The following GAS5 variants were observed in gnomAD, a reference collection of about 807,000 sequenced individuals.
GAS5 encodes the protein growth arrest specific 5 (non-protein coding).
At chr1:173,865,661 C>G in intron 5 of GAS5, 1 of 519,208 alleles carries the variant, frequency 1.9e-6, no homozygotes, top group Non-Finnish European at 3.8e-6. Flanking sequence ...CATTTCAGGT[C>G]AGACATTTGA....
At chr1:173,868,610 C>T (rs997644575), upstream of GAS5, 2 of 152,450 alleles carry the variant, frequency 1.3e-5, no homozygotes, top group Admixed American at 6.5e-5. Flanking sequence ...TCGCGGGGCC[C>T]CTCCCTCAGG....
At chr1:173,864,403 A>T (rs759114991) in intron 6 of GAS5, 1 of 519,120 alleles carries the variant, frequency 1.9e-6, no homozygotes. Context: ...TTTTACAGTG[A>T]TATCATTATA....
intron 4 of GAS5, chr1:173,865,903 T>TA (rs1654522275): frequency 1.9e-6 from 1 of 519,040 alleles, no homozygotes; most frequent in Non-Finnish European, 3.8e-6. Flanking sequence ...ACCTAAGAAA[T>TA]AAGAGTGGTC....
upstream of GAS5, chr1:173,867,458 A>G: frequency 2.8e-6 from 1 of 360,598 alleles, no homozygotes; most frequent in East Asian, 7.3e-5. Context: ...GTTGCCATTA[A>G]CCGATGTCGA....
chr1:173,867,089 TTTTTTTA>T, upstream of GAS5: 1 of 646,096 alleles, frequency 1.5e-6, no homozygotes, highest in Non-Finnish European at 2.8e-6. Flanking sequence ...CCACGGTTCT[TTTTTTTA>T]AAGAGTGTTC....
intron 3 of GAS5, chr1:173,866,421 TTC>T: frequency 1.7e-6 from 1 of 579,626 alleles, no homozygotes; most frequent in Non-Finnish European, 3.3e-6. Flanking sequence ...GAGAGCAAAA[TTC>T]TCATTTGAAA....
chr1:173,867,156 A>C, upstream of GAS5: 1 of 584,594 alleles, frequency 1.7e-6, no homozygotes, highest in Non-Finnish European at 3.0e-6. Context: ...GTAACATACC[A>C]TTCATTATCT....
At chr1:173,866,979 C>T in intron 1 of GAS5, 1 of 765,474 alleles carries the variant, frequency 1.3e-6, no homozygotes, top group Admixed American at 1.7e-5. Flanking sequence ...CCATACTTTC[C>T]CCAATTCTTA....
intron 7 of GAS5, chr1:173,864,014 G>C (rs745467684): frequency 2.8e-6 from 1 of 350,908 alleles, no homozygotes; most frequent in Non-Finnish European, 5.8e-6. Flanking sequence ...CTTGAGCCCA[G>C]AAGTTTGAGG....
chr1:173,866,514 T>C lies in GAS5; in HGVS notation n.131+14A>G, dbSNP rs1294320017. 4 of 693,764 alleles carry C rather than the reference T, an allele frequency of 5.8e-6. No individual in the cohort carries two copies. The East Asian group carries it at 1.1e-4, about 18-fold the overall frequency. The allele number at this position is 693,764 out of a possible 1,614,324, so 43.0% of individuals were successfully genotyped here. On this transcript the variant is annotated intron_variant and non_coding_transcript_variant, in intron 3 of 7. Coordinates refer to ENST00000651080, the Ensembl canonical transcript of GAS5. ...TCCCTTAAAAGTGAGAAGTACAAAA[T>C]AGAGGTGTCTCACCTGTGTGCCAAT...
rs746512954 is a variant in GAS5, at chr1:173,866,063, G to A, written n.161+114C>T. On this transcript the variant is annotated intron_variant and non_coding_transcript_variant, in intron 4 of 7. Coordinates refer to ENST00000651080, the Ensembl canonical transcript of GAS5. ...CAAACTTTCTTATTAATCATAACAA[G>A]ACAAGAATCCGCCATTTATTTAATG... 1.6e-4 allele frequency: 81 copies of A among 518,920 alleles called. 1 individual carries two copies. Among genetic ancestry groups the A allele is most frequent in the South Asian group, 1.1e-3 (77 of 71,584 alleles). 32.1% of individuals were successfully genotyped at this position (518,920 alleles called of 1,614,324 possible).
intron 6 of GAS5, chr1:173,865,148 GAT>G (rs773308789): frequency 2.7e-5 from 9 of 337,670 alleles, no homozygotes; most frequent in Non-Finnish European, 5.2e-5. Context: ...GCAGTGAACT[GAT>G]AGTGCCGCTG....
intron 5 of GAS5, chr1:173,865,739 T>A: frequency 1.9e-6 from 1 of 519,158 alleles, no homozygotes; most frequent in Non-Finnish European, 3.8e-6. Context: ...GTTCCAGACA[T>A]GCTCAAGGAA....
chr1:173,865,757 T>A (rs868375277), intron 5 of GAS5: 2 of 518,820 alleles, frequency 3.9e-6, no homozygotes, highest in Admixed American at 3.9e-5. Flanking sequence ...GAAAATACAG[T>A]CAGTATTCAT....
chr1:173,867,784 C>T (rs767600484), upstream of GAS5: 1 of 519,132 alleles, frequency 1.9e-6, no homozygotes, highest in Middle Eastern at 3.2e-4. Flanking sequence ...TCTACTCTAA[C>T]ATAGTCGCAG....
upstream of GAS5, chr1:173,867,904 GCAGA>G (rs1290608278): frequency 5.2e-6 from 2 of 385,038 alleles, no homozygotes; most frequent in Admixed American, 3.0e-5. Flanking sequence ...GGTGACCTTA[GCAGA>G]CAAAGGCTGG....
chr1:173,866,406 A>T, intron 3 of GAS5: 1 of 561,360 alleles, frequency 1.8e-6, no homozygotes, highest in Non-Finnish European at 3.5e-6. Flanking sequence ...ACTTAGTATC[A>T]ATATGAGAGC....
At chr1:173,864,236 C>T (rs1246730584) in intron 7 of GAS5, 2 of 515,556 alleles carry the variant, frequency 3.9e-6, no homozygotes, top group Admixed American at 3.9e-5. Flanking sequence ...TTATAATAGT[C>T]CCAACATTTC....
intron 7 of GAS5, chr1:173,864,222 G>A: frequency 1.9e-6 from 1 of 517,620 alleles, no homozygotes; most frequent in Non-Finnish European, 3.9e-6. Flanking sequence ...CATGTATTCT[G>A]CAATTATAAT....
Sources: allele counts gnomAD v4.1 joint callset, GRCh38; gene constraint gnomAD v4.1.1; transcripts MANE v1.5; gene names NCBI Gene and HGNC (gene_info 2026-07-23, HGNC 2026-07-21).